DNM3: variants seen among roughly 807,000 people sequenced by gnomAD.
DNM3 encodes the protein dynamin-3.
DNM3 carries 47 observed loss-of-function variants against 101.6 expected under a neutral mutation model. That is an observed-to-expected ratio of 0.46 (90% CI 0.37 to 0.59). The LOEUF (loss-of-function observed/expected upper bound fraction) is 0.59. Ranked by LOEUF, DNM3 falls within the 20% of genes least tolerant of loss-of-function variation. DNM3 has a pLI of 0.00. For missense variants in DNM3, 849 were observed against 1,085.7 expected, an observed-to-expected ratio of 0.78 and a Z score of 3.06; for synonymous variants, 385 against 387.9, an observed-to-expected ratio of 0.99 and a Z score of 0.09.
chr1:172,299,734 A>G (rs754383102), intron 15 of DNM3, among the ~76,000 whole-genome samples: 37 of 152,214 alleles, frequency 2.4e-4, no homozygotes, highest in Non-Finnish European at 3.7e-4. Context: ...TATGGGCTGC[A>G]TAGTATTCCA....
At chr1:171,876,413 A>C (rs760060403) in intron 1 of DNM3, among the ~76,000 whole-genome samples, 1 of 151,950 alleles carries the variant, frequency 6.6e-6, no homozygotes, top group African/African-American at 2.4e-5. Context: ...TAAATCTGGC[A>C]TATCATTCCT....
intron 13 of DNM3, among the ~76,000 whole-genome samples, chr1:172,095,985 G>T (rs16843837): frequency 0.036 from 5,488 of 152,232 alleles, 231 homozygotes; most frequent in East Asian, 0.13. Context: ...GTTTAGAGAA[G>T]CATGATGATG....
chr1:172,260,250 AT>A (rs1475070747), intron 15 of DNM3, among the ~76,000 whole-genome samples: 8 of 151,326 alleles, frequency 5.3e-5, no homozygotes, highest in African/African-American at 1.7e-4. Context: ...GCTGTTTTTA[AT>A]TTTTTTTCTC....
chr1:172,164,411 G>A (rs868865148), intron 14 of DNM3, among the ~76,000 whole-genome samples: 1 of 151,558 alleles, frequency 6.6e-6, no homozygotes, highest in Non-Finnish European at 1.5e-5. Context: ...TGGTTGCTGA[G>A]GATGCAATAA....
chr1:172,249,191 TG>T (rs1557879978), intron 14 of DNM3, among the ~76,000 whole-genome samples: 1 of 152,172 alleles, frequency 6.6e-6, no homozygotes, highest in Non-Finnish European at 1.5e-5. Flanking sequence ...GTTATATTGA[TG>T]GTGCTCTGCC....
chr1:172,184,686 A>G (rs2059461739), intron 14 of DNM3, among the ~76,000 whole-genome samples: 1 of 152,136 alleles, frequency 6.6e-6, no homozygotes, highest in African/African-American at 2.4e-5. Context: ...AGGAATGGGA[A>G]AGGAGGAAAA....
intron 2 of DNM3, among the ~76,000 whole-genome samples, chr1:171,934,151 T>A (rs1386629769): frequency 6.6e-6 from 1 of 152,252 alleles, no homozygotes; most frequent in Non-Finnish European, 1.5e-5. Context: ...ACTGTTCATT[T>A]GTCCTGGTGA....
At chr1:172,346,853 A>G (rs1339771038) in intron 17 of DNM3, among the ~76,000 whole-genome samples, 1 of 152,190 alleles carries the variant, frequency 6.6e-6, no homozygotes, top group East Asian at 1.9e-4. Flanking sequence ...TGCCTGGCAA[A>G]CAGGTGTAAA....
At chr1:172,144,601 G>A in intron 14 of DNM3, 1 of 533,818 alleles carries the variant, frequency 1.9e-6, no homozygotes, top group Non-Finnish European at 3.9e-6. Flanking sequence ...TGAACAGGTA[G>A]TCTGAACACT....
At chr1:172,342,503 A>G (rs977823201) in intron 17 of DNM3, among the ~76,000 whole-genome samples, 1 of 152,222 alleles carries the variant, frequency 6.6e-6, no homozygotes, top group Non-Finnish European at 1.5e-5. Context: ...AAATGAACAC[A>G]GGAACAGAAA....
intron 14 of DNM3, among the ~76,000 whole-genome samples, chr1:172,247,620 A>G (rs915949926): frequency 2.2e-4 from 34 of 151,550 alleles, no homozygotes; most frequent in African/African-American, 7.3e-4. Flanking sequence ...GCTTTTTCGT[A>G]TGTTAATATT....
Position 172,379,162 on chromosome 1 carries a change from A to T in DNM3, c.2038A>T (p.Met680Leu), listed in dbSNP as rs2068760240. 1 of 1,608,920 alleles carries T rather than the reference A, an allele frequency of 6.2e-7. No individual in the cohort carries two copies. Among genetic ancestry groups the T allele is most frequent in the South Asian group, 1.1e-5 (1 of 90,264 alleles). Reference sequence around the variant, plus strand: ...CCGAGATCTAATTCCAAAAACAATAATGCACCTTATGATCAATAACGTAAG... The same window carrying T: ...CCGAGATCTAATTCCAAAAACAATATTGCACCTTATGATCAATAACGTAAG... ...CIRDLIPKTI[M>L]HLMINNVKDF... The change falls in exon 18 of 21, where the codon ATG (methionine) becomes TTG (leucine). Residue 680 changes from methionine to leucine, a missense_variant. Met to Leu is a conservative substitution (Grantham distance 15). Coordinates refer to ENST00000627582, the MANE Select transcript of DNM3 (RefSeq NM_015569.5).
At chr1:172,256,361 A>G (rs1430930770) in intron 15 of DNM3, among the ~76,000 whole-genome samples, 2 of 152,134 alleles carry the variant, frequency 1.3e-5, no homozygotes, top group East Asian at 3.9e-4. Flanking sequence ...TAGGCTTTTA[A>G]CTAGTGATTG....
At chr1:172,117,599 T>C (rs1031502184) in intron 13 of DNM3, among the ~76,000 whole-genome samples, 1 of 152,210 alleles carries the variant, frequency 6.6e-6, no homozygotes, top group Non-Finnish European at 1.5e-5. Context: ...TGTGGAACTG[T>C]AAGTCCATTT....
At chr1:172,241,592 AAACTTGCAG>A (rs2061751567) in intron 14 of DNM3, among the ~76,000 whole-genome samples, 2 of 152,154 alleles carry the variant, frequency 1.3e-5, no homozygotes, top group South Asian at 2.1e-4. Context: ...TTGGGAGGGC[AAACTTGCAG>A]AACTAGGCTG....
intron 18 of DNM3, among the ~76,000 whole-genome samples, chr1:172,383,838 G>A (rs567544252): frequency 6.6e-6 from 1 of 152,272 alleles, no homozygotes; most frequent in East Asian, 1.9e-4. Flanking sequence ...TAGAGAGTTT[G>A]AGCTGGAATG....
intron 17 of DNM3, among the ~76,000 whole-genome samples, chr1:172,365,814 A>T (rs2067984729): frequency 6.6e-6 from 1 of 151,958 alleles, no homozygotes; most frequent in Non-Finnish European, 1.5e-5. Context: ...ATGAGTAAAA[A>T]ATAACCAAAC....
intron 14 of DNM3, among the ~76,000 whole-genome samples, chr1:172,205,939 G>A (rs2060306817): frequency 6.6e-6 from 1 of 152,034 alleles, no homozygotes; most frequent in African/African-American, 2.4e-5. Context: ...CACCTTGAAT[G>A]GATCTTTTAC....
At chr1:172,143,190 G>T (rs1027508212) in intron 14 of DNM3, among the ~76,000 whole-genome samples, 1 of 152,148 alleles carries the variant, frequency 6.6e-6, no homozygotes, top group Non-Finnish European at 1.5e-5. Flanking sequence ...GAGAACTTGA[G>T]TCAATTTTTG....
Sources: allele counts gnomAD v4.1 joint callset (sites outside exome capture counted in the v4.1 genomes callset), GRCh38; gene constraint gnomAD v4.1.1; transcripts MANE v1.5; gene names NCBI Gene and HGNC (gene_info 2026-07-23, HGNC 2026-07-21).